SIN3A: variants seen among roughly 807,000 people sequenced by gnomAD.
SIN3A encodes paired amphipathic helix protein Sin3a.
A neutral mutation model predicts 146.1 loss-of-function variants in SIN3A; 14 were observed. That is an observed-to-expected ratio of 0.10 (90% CI 0.06 to 0.15). The LOEUF is 0.15. Ranked by LOEUF, SIN3A falls within the 10% of genes least tolerant of loss-of-function variation. The pLI is 1.00. For synonymous variants in SIN3A, 572 were observed against 572.0 expected, an observed-to-expected ratio of 1.00 and a Z score of 0.00; for missense variants, 1,028 against 1,576.0, an observed-to-expected ratio of 0.65 and a Z score of 5.89.
chr15:75,429,654 A>G (rs2073981863), intron 2 of SIN3A, among the ~76,000 whole-genome samples: 1 of 152,238 alleles, frequency 6.6e-6, no homozygotes, highest in Non-Finnish European at 1.5e-5. Context: ...GCACTAAGAC[A>G]ATATCACAAT....
At chr15:75,373,628 G>A (rs1410039992) in intron 20 of SIN3A, among the ~76,000 whole-genome samples, 1 of 151,512 alleles carries the variant, frequency 6.6e-6, no homozygotes, top group African/African-American at 2.4e-5. Context: ...ATACAGTATA[G>A]GCTGGGCACA....
chr15:75,427,249 T>C (rs1490724249), intron 2 of SIN3A, among the ~76,000 whole-genome samples: 2 of 152,152 alleles, frequency 1.3e-5, no homozygotes, highest in Admixed American at 6.5e-5. Context: ...GGCTTGCGCC[T>C]GTAATCCCAG....
At position 75,392,223 on chromosome 15, in the gene SIN3A, CAG is replaced by C. The variant is rs2073218658; in HGVS notation, c.2851+17_2851+18del. ...TCAACCTCACACATCCTCTGTAAAT[CAG>C]AGGTCTCGGCACTCACTAGGTTCTT... is the stretch of plus-strand genomic sequence containing the variant. On this transcript the variant is annotated intron_variant, in intron 15 of 20. Transcript: ENST00000394947. 6.2e-7 allele frequency: 1 copy of C among 1,602,932 alleles called. No individual in the cohort carries two copies. The highest frequency in any genetic ancestry group is 1.3e-5 in the African/African-American group (1 of 74,638).
chr15:75,427,926 G>A (rs916808560), intron 2 of SIN3A, among the ~76,000 whole-genome samples: 6 of 151,610 alleles, frequency 4.0e-5, no homozygotes, highest in African/African-American at 1.2e-4. Context: ...GGCCGAGATC[G>A]CACCACTGCA....
intron 18 of SIN3A, among the ~76,000 whole-genome samples, chr15:75,381,395 C>T (rs1403696261): frequency 6.6e-6 from 1 of 152,166 alleles, no homozygotes; most frequent in Non-Finnish European, 1.5e-5. Context: ...GAGGAGATAG[C>T]TTTACTAAGT....
rs1292747293 is a variant in SIN3A at position 75,370,206 on chromosome 15, CCA to C, written c.*1771_*1772del. The C allele has an allele frequency of 6.6e-6, 1 of 152,220 alleles. No individual in the cohort carries two copies. Among genetic ancestry groups the C allele is most frequent in the African/African-American group, 2.4e-5 (1 of 41,414 alleles). The allele number at this position is 152,220 out of a possible 1,614,324, so 9.4% of individuals were successfully genotyped here. On this transcript the variant is annotated 3_prime_UTR_variant, in exon 21 of 21. Transcript: ENST00000394947. ...TGAGCTATGATCGTGGCACTGCACT[CCA>C]GTGTGGGTCATAAAGCGAGACACTG...
At chr15:75,453,986 G>A (rs1201320721), upstream of SIN3A, 2 of 152,264 alleles carry the variant, frequency 1.3e-5, no homozygotes, top group African/African-American at 4.8e-5. Context: ...GAGCTAGGCG[G>A]GCCTCACACA....
At chr15:75,449,900 C>A (rs539633462) in intron 1 of SIN3A, among the ~76,000 whole-genome samples, 2 of 152,286 alleles carry the variant, frequency 1.3e-5, no homozygotes, top group African/African-American at 4.8e-5. Flanking sequence ...CTGCCTCAGC[C>A]TCCCCAGTAG....
upstream of SIN3A, among the ~76,000 whole-genome samples, chr15:75,455,214 C>A (rs1242884500): frequency 6.6e-6 from 1 of 152,030 alleles, no homozygotes; most frequent in African/African-American, 2.4e-5. Context: ...CGTGGGTAGC[C>A]AGGGAAGCCG....
intron 8 of SIN3A, among the ~76,000 whole-genome samples, chr15:75,408,163 A>G (rs1167949094): frequency 6.6e-6 from 1 of 152,206 alleles, no homozygotes; most frequent in Non-Finnish European, 1.5e-5. Flanking sequence ...GGAGAATTTT[A>G]AGCCCCCACT....
chr15:75,412,629 T>C lies in SIN3A; in HGVS notation c.756+134A>G, dbSNP rs116229506. On this transcript the variant is annotated intron_variant, in intron 5 of 20. Coordinates refer to ENST00000394947, the MANE Select transcript of SIN3A (RefSeq NM_001145358.2). The stretch of plus-strand genomic sequence containing the variant: ...GAACCATGTCATAGTGAAGTTTTCA[T>C]ACAGCATTTTTCTATGACGAAATCT... The C allele has an allele frequency of 4.2e-4, 381 of 898,676 alleles. No homozygotes were observed. In the African/African-American group the frequency reaches 5.9e-3, roughly 14 times the overall value. The allele number at this position is 898,676 out of a possible 1,614,324, so 55.7% of individuals were successfully genotyped here.
At chr15:75,416,232 A>C (rs956523080) in intron 3 of SIN3A, among the ~76,000 whole-genome samples, 8 of 152,174 alleles carry the variant, frequency 5.3e-5, no homozygotes, top group African/African-American at 1.9e-4. Flanking sequence ...CACTAATAGA[A>C]TGTCTTTGAA....
intron 20 of SIN3A, 42 bp downstream of exon 20, chr15:75,375,622 AG>A (rs772514204): frequency 1.1e-5 from 16 of 1,494,572 alleles, no homozygotes; most frequent in Non-Finnish European, 1.5e-5. Flanking sequence ...GGTCCTAGCT[AG>A]GGTGGGAGAT....
At chr15:75,431,337 TAAG>T (rs893887745) in intron 1 of SIN3A, among the ~76,000 whole-genome samples, 4 of 152,218 alleles carry the variant, frequency 2.6e-5, no homozygotes, top group Non-Finnish European at 5.9e-5. Flanking sequence ...TTAACAGTTA[TAAG>T]AAGAGATTCT....
Position 75,381,642 on chromosome 15 carries a change from C to T in SIN3A, c.3259G>A (p.Glu1087Lys). 1 of 1,613,924 alleles carries T rather than the reference C, an allele frequency of 6.2e-7. No homozygotes were observed. ...GCTTCCACAGGGTCATCCGAATTCT[C>T]CTCTTCTGTGTCCAGAAGCTCAATA... ...LTIELLDTEE[E>K]NSDDPVEAER... The change falls in exon 18 of 21, where the codon GAG (glutamate) becomes AAG (lysine). Residue 1087 changes from glutamate to lysine, a missense_variant. This residue lies in a region of SIN3A where 488 missense variants were observed against 690.2 expected (regional missense o/e 0.71). Transcript: ENST00000394947.
chr15:75,409,469 GT>G (rs1338468571), intron 8 of SIN3A, among the ~76,000 whole-genome samples: 1 of 151,860 alleles, frequency 6.6e-6, no homozygotes, highest in Non-Finnish European at 1.5e-5. Flanking sequence ...CCGGGCACAG[GT>G]AATCCCAGCA....
At chr15:75,394,584 G>A (rs2073268820) in intron 14 of SIN3A, 96 bp downstream of exon 14, 1 of 971,918 alleles carries the variant, frequency 1.0e-6, no homozygotes, top group East Asian at 2.5e-5. Flanking sequence ...GTCTTAGAGA[G>A]TCTCACCTGC....
chr15:75,426,911 G>C (rs747778447), intron 2 of SIN3A, among the ~76,000 whole-genome samples: 4 of 151,884 alleles, frequency 2.6e-5, no homozygotes, highest in Non-Finnish European at 5.9e-5. Flanking sequence ...CAGCCTGGGC[G>C]AGAGTGTGAC....
At position 75,376,859 on chromosome 15, in the gene SIN3A, TAAAAAAA is replaced by T. The variant is rs200318256; in HGVS notation, c.3384-994_3384-988del. Among the ~76,000 whole-genome samples, 282 of 115,784 alleles carry T rather than the reference TAAAAAAA, an allele frequency of 2.4e-3. 1 individual carries two copies. Among genetic ancestry groups the T allele is most frequent in the African/African-American group, 6.0e-3 (189 of 31,476 alleles). The allele number at this position is 115,784 out of a possible 152,430, so 76.0% of individuals were successfully genotyped here. On this transcript the variant is annotated intron_variant, in intron 19 of 20. Transcript: ENST00000394947. Reference sequence around the variant, plus strand: ...TGGGACACAGAGCCAGACACTGTCTTAAAAAAAAAAAAAAAAAAAAAAAACCAACCAG... The same window carrying T: ...TGGGACACAGAGCCAGACACTGTCTTAAAAAAAAAAAAAAAAACCAACCAG...
Sources: gnomAD v4.1 joint callset for allele counts (sites outside exome capture counted in the v4.1 genomes callset) on GRCh38, gnomAD v4.1.1 for gene constraint, gnomAD v4.1.1 regional missense constraint, MANE v1.5 for transcripts, NCBI Gene and HGNC (gene_info 2026-07-23, HGNC 2026-07-21) for gene names.